The following DNAH14 variants were observed in gnomAD, a reference collection of about 807,000 sequenced individuals.
DNAH14 encodes the protein axonemal beta dynein heavy chain 14.
DNAH14 carries 478 observed loss-of-function variants against 520.9 expected under a neutral mutation model. The ratio of observed to expected loss-of-function variants is 0.92; its 90% CI spans 0.85 to 0.99. DNAH14 has a LOEUF of 0.99. Among genes scored for constraint, DNAH14 ranks in the 50% least tolerant of loss-of-function variants. The pLI is 0.00. For missense variants in DNAH14, 4,831 were observed against 5,234.5 expected, an observed-to-expected ratio of 0.92 and a Z score of 2.38; for synonymous variants, 1,581 against 1,757.2, an observed-to-expected ratio of 0.90 and a Z score of 2.51.
Position 225,338,174 on chromosome 1 carries a change from A to C in DNAH14, c.10425A>C (p.Ser3475=). 6.4e-7 allele frequency: 1 copy of C among 1,551,934 alleles called. No individual in the cohort carries two copies. The highest frequency in any genetic ancestry group is 1.2e-5 in the South Asian group (1 of 83,952). Residue 3475 remains serine (S), a synonymous_variant, in exon 68 of 86, where the codon TCA becomes TCC. Coordinates refer to ENST00000682510, the MANE Select transcript of DNAH14 (RefSeq NM_001367479.1). ...GTGATGCTGAGTTCGAATACAATTC[A>C]AATTTTAGGTAATGTGCCACAGCTA... ...RVGDAEFEYN[S]NFRLYLSTEI...
chr1:225,061,318 G>A (rs111726126), intron 17 of DNAH14, among the ~76,000 whole-genome samples: 8,409 of 152,296 alleles, frequency 0.055, 472 homozygotes, highest in East Asian at 0.23. Context: ...TGAGCCAGGC[G>A]CTGGATACAA....
At chr1:225,286,781 A>G (rs2093755184) in intron 54 of DNAH14, among the ~76,000 whole-genome samples, 1 of 152,214 alleles carries the variant, frequency 6.6e-6, no homozygotes. Flanking sequence ...CACAGGAATG[A>G]TTATAGCAAC....
chr1:224,930,789 G>A (rs944961849), intron 1 of DNAH14, among the ~76,000 whole-genome samples: 1 of 152,002 alleles, frequency 6.6e-6, no homozygotes, highest in Non-Finnish European at 1.5e-5. Flanking sequence ...TAGTAGAGAC[G>A]GGGCTTCACC....
intron 69 of DNAH14, among the ~76,000 whole-genome samples, chr1:225,344,308 A>G (rs1042887483): frequency 6.6e-6 from 1 of 150,992 alleles, no homozygotes; most frequent in Non-Finnish European, 1.5e-5. Flanking sequence ...GGTTTGTTGT[A>G]CAGATTATGT....
Position 225,109,549 on chromosome 1 carries a change from A to G in DNAH14, c.3868-8135A>G, listed in dbSNP as rs541459227. ...ATATAGAAATGCTACTGATTTTTGT[A>G]TGTTGATTTTGTATTCTGTAACTTT... On this transcript the variant is annotated intron_variant, in intron 23 of 85. Transcript: ENST00000682510. Among the ~76,000 whole-genome samples, 329 of 151,928 alleles carry G rather than the reference A, an allele frequency of 2.2e-3. 2 individuals are homozygous for G. The highest frequency in any genetic ancestry group is 7.6e-3 in the African/African-American group (317 of 41,448).
At position 225,191,631 on chromosome 1, in the gene DNAH14, A is replaced by G. The variant is rs189938074; in HGVS notation, c.5671-1065A>G. 1.2e-3 allele frequency among the ~76,000 whole-genome samples: 184 copies of G among 151,764 alleles called. 2 individuals carry two copies. The highest frequency in any genetic ancestry group is 6.8e-3 in the Middle Eastern group (2 of 294). On this transcript the variant is annotated intron_variant, in intron 37 of 85. Coordinates refer to ENST00000682510, the MANE Select transcript of DNAH14 (RefSeq NM_001367479.1). ...ATTTGGGGCCAGTATTTCTACCAAC[A>G]TTTTTTTCTACTTTTTCTCTCTTTT...
chr1:224,952,676 C>T lies in DNAH14; in HGVS notation c.-27C>T, dbSNP rs774545761. 3.3e-6 allele frequency: 5 copies of T among 1,514,830 alleles called. No individual in the cohort carries two copies. The Admixed American group carries it at 6.8e-5, about 21-fold the overall frequency. 93.8% of individuals were successfully genotyped at this position (1,514,830 alleles called of 1,614,324 possible). A position where few individuals can be genotyped will look rare whatever the true frequency, so the allele number is the denominator to read the frequency against. On this transcript the variant is annotated 5_prime_UTR_variant, in exon 2 of 86. Transcript: ENST00000682510. ...AATGTGAATTTTGTTACAGCCAGTT[C>T]CTTTATAGTTTTGTTCAGAAAAACA...
chr1:225,372,501 C>T (rs1007770228), intron 77 of DNAH14, among the ~76,000 whole-genome samples: 6 of 152,288 alleles, frequency 3.9e-5, no homozygotes, highest in South Asian at 4.1e-4. Flanking sequence ...GTAAATGATA[C>T]TGGCACAACT....
At chr1:224,996,965 G>T (rs1490705157) in intron 8 of DNAH14, among the ~76,000 whole-genome samples, 1 of 152,124 alleles carries the variant, frequency 6.6e-6, no homozygotes, top group African/African-American at 2.4e-5. Context: ...TGTGGGGTGT[G>T]GGGGCAGGGT....
rs200651184 is a variant in DNAH14, at chr1:225,185,945, T to TG, written c.5670+521dup. On this transcript the variant is annotated intron_variant, in intron 37 of 85. Transcript: ENST00000682510. Reference sequence around the variant, plus strand: ...GGAATTTTCTATTCGCATTACACTTTGTTTTTTTTTTTTTTTTTGGCTGTT... The same window carrying TG: ...GGAATTTTCTATTCGCATTACACTTTGGTTTTTTTTTTTTTTTTTGGCTGTT... Among the ~76,000 whole-genome samples, 13 of 100,228 alleles carry TG rather than the reference T, an allele frequency of 1.3e-4. 1 individual carries two copies. The highest frequency in any genetic ancestry group is 4.9e-4 in the African/African-American group (12 of 24,512). The allele number at this position is 100,228 out of a possible 152,430, so 65.8% of individuals were successfully genotyped here.
At chr1:225,077,158 A>G (rs1159918440) in intron 17 of DNAH14, among the ~76,000 whole-genome samples, 1 of 152,226 alleles carries the variant, frequency 6.6e-6, no homozygotes, top group Non-Finnish European at 1.5e-5. Context: ...CTTATTCATT[A>G]CATCTATTGA....
At chr1:225,061,040 T>C in intron 17 of DNAH14, among the ~76,000 whole-genome samples, 1 of 152,096 alleles carries the variant, frequency 6.6e-6, no homozygotes, top group East Asian at 1.9e-4. Context: ...TCTTCAAAGC[T>C]GTCAGACAGG....
chr1:225,313,606 C>G (rs2094412338), intron 60 of DNAH14, among the ~76,000 whole-genome samples: 1 of 152,184 alleles, frequency 6.6e-6, no homozygotes, highest in Non-Finnish European at 1.5e-5. Flanking sequence ...CTAAACACTG[C>G]TATAGCTGTG....
At chr1:225,024,202 A>G (rs563134044) in intron 11 of DNAH14, 3 of 990,816 alleles carry the variant, frequency 3.0e-6, no homozygotes, top group South Asian at 9.2e-5. Context: ...ATATCTGGCA[A>G]TTCTGTGCCT....
At chr1:225,125,528 T>C (rs957070342) in intron 27 of DNAH14, among the ~76,000 whole-genome samples, 3 of 152,232 alleles carry the variant, frequency 2.0e-5, no homozygotes, top group Non-Finnish European at 4.4e-5. Context: ...TTCTGCTAGC[T>C]TTCAACTTTT....
intron 17 of DNAH14, among the ~76,000 whole-genome samples, chr1:225,076,521 G>T (rs1441539671): frequency 6.6e-6 from 1 of 152,154 alleles, no homozygotes; most frequent in Non-Finnish European, 1.5e-5. Flanking sequence ...GGATATGATT[G>T]CTGGAGAGTA....
At position 225,307,468 on chromosome 1, in the gene DNAH14, T is replaced by C. The variant is rs972765658; in HGVS notation, c.9013T>C (p.Phe3005Leu). Residue 3005 changes from phenylalanine (F) to leucine (L), a missense_variant, in exon 59 of 86, where the codon TTC becomes CTC. Phe to Leu is a conservative substitution (Grantham distance 22, BLOSUM62 0). Coordinates refer to ENST00000682510, the MANE Select transcript of DNAH14 (RefSeq NM_001367479.1). ...TACTTTTTCTTCCTTCAGGGATCGC[T>C]TCCATATGGGTCTATCCACAATCCT... ...EEEMQTKRDRFHMGLSTILEA... is the reference protein window; with the variant it reads ...EEEMQTKRDRLHMGLSTILEA... 5 of 1,536,906 alleles carry C rather than the reference T, an allele frequency of 3.3e-6. No individual in the cohort carries two copies. The highest frequency in any genetic ancestry group is 4.4e-6 in the Non-Finnish European group (5 of 1,142,448).
intron 41 of DNAH14, among the ~76,000 whole-genome samples, chr1:225,225,418 A>G (rs1368552845): frequency 6.6e-6 from 1 of 152,088 alleles, no homozygotes; most frequent in Non-Finnish European, 1.5e-5. Flanking sequence ...GGCCCACAAA[A>G]ATTAAAACTG....
At chr1:225,278,725 T>C (rs2093554600) in intron 54 of DNAH14, among the ~76,000 whole-genome samples, 1 of 152,212 alleles carries the variant, frequency 6.6e-6, no homozygotes, top group Non-Finnish European at 1.5e-5. Context: ...TTAGTTATTT[T>C]ACCACAGTGA....
Sources: gnomAD v4.1 joint callset for allele counts (sites outside exome capture counted in the v4.1 genomes callset) on GRCh38, gnomAD v4.1.1 for gene constraint, MANE v1.5 for transcripts, NCBI Gene and HGNC (gene_info 2026-07-23, HGNC 2026-07-21) for gene names.